CPEB3: variants seen among roughly 807,000 people sequenced by gnomAD.
CPEB3 encodes cytoplasmic polyadenylation element binding protein 3.
In CPEB3, 20 loss-of-function variants were observed where a neutral mutation model predicts 67.2. The observed-to-expected ratio is 0.30, with a 90% CI of 0.21 to 0.43. The LOEUF is 0.43. CPEB3 is among the 20% of genes least tolerant of loss of function. The probability of loss-of-function intolerance (pLI) is 1.00; values close to 1 mark genes in which losing one functional copy is unlikely to be tolerated. For missense variants in CPEB3, 746 were observed against 968.6 expected, an observed-to-expected ratio of 0.77 and a Z score of 3.05; for synonymous variants, 376 against 393.1, an observed-to-expected ratio of 0.96 and a Z score of 0.51.
chr10:92,168,609 T>C (rs1847855756), intron 4 of CPEB3, among the ~76,000 whole-genome samples: 1 of 152,092 alleles, frequency 6.6e-6, no homozygotes, highest in South Asian at 2.1e-4. Context: ...GTTCTCGTGA[T>C]AGTGAAGTGA....
intron 1 of CPEB3, among the ~76,000 whole-genome samples, chr10:92,279,291 G>A (rs1238775503): frequency 6.6e-6 from 1 of 152,102 alleles, no homozygotes; most frequent in Non-Finnish European, 1.5e-5. Flanking sequence ...GAACACCCTG[G>A]CTTTTGCTTC....
intron 6 of CPEB3, among the ~76,000 whole-genome samples, chr10:92,122,473 A>G (rs1845434905): frequency 6.6e-6 from 1 of 152,086 alleles, no homozygotes; most frequent in Admixed American, 6.6e-5. Flanking sequence ...TCTCTTATTC[A>G]TTTTCCTCTT....
At chr10:92,069,151 C>T (rs1173888279) in intron 9 of CPEB3, among the ~76,000 whole-genome samples, 9 of 152,114 alleles carry the variant, frequency 5.9e-5, no homozygotes, top group African/African-American at 2.2e-4. Context: ...ACAGTATTAT[C>T]AGCATTTCTG....
chr10:92,227,979 C>T (rs1039557241), intron 2 of CPEB3, among the ~76,000 whole-genome samples: 85 of 152,104 alleles, frequency 5.6e-4, no homozygotes, highest in Non-Finnish European at 5.1e-4. Flanking sequence ...CCTCCACCTC[C>T]CGGATTCAAG....
intron 4 of CPEB3, among the ~76,000 whole-genome samples, chr10:92,160,236 C>A (rs557281306): frequency 3.9e-5 from 6 of 152,176 alleles, no homozygotes; most frequent in African/African-American, 9.6e-5. Context: ...TGAGCCACCG[C>A]GCCCAGCTGA....
intron 6 of CPEB3, among the ~76,000 whole-genome samples, chr10:92,140,048 G>A (rs1434981003): frequency 1.4e-5 from 2 of 147,188 alleles, no homozygotes; most frequent in Admixed American, 6.9e-5. Context: ...CTCCAGCCTG[G>A]GCAACAGAGT....
At chr10:92,096,378 G>A (rs1372510278) in intron 7 of CPEB3, among the ~76,000 whole-genome samples, 1 of 151,908 alleles carries the variant, frequency 6.6e-6, no homozygotes, top group Non-Finnish European at 1.5e-5. Flanking sequence ...ATCTGAGGGG[G>A]GTCCTAGAAC....
chr10:92,271,570 T>C (rs1336877196), intron 1 of CPEB3, among the ~76,000 whole-genome samples: 1 of 152,216 alleles, frequency 6.6e-6, no homozygotes, highest in Non-Finnish European at 1.5e-5. Flanking sequence ...TGTTTCCTCA[T>C]GATCGAACTT....
chr10:92,188,682 T>C (rs1353895067), intron 3 of CPEB3, among the ~76,000 whole-genome samples: 1 of 152,052 alleles, frequency 6.6e-6, no homozygotes, highest in African/African-American at 2.4e-5. Flanking sequence ...ATCCCGCCAC[T>C]GCACTCCAGC....
rs1851761805 is a variant in CPEB3, at chr10:92,240,075, CGGCGGCGGCTGCTGAGGA to C, written c.258_275del (p.Gln89_Gln94del). The C allele has an allele frequency of 6.3e-7, 1 of 1,586,698 alleles. No homozygotes were observed. The highest frequency in any genetic ancestry group is 1.8e-5 in the Admixed American group (1 of 55,284). Reference sequence around the variant, plus strand: ...CGCCCGGTGCCGCGGGCTCCTGAGGCGGCGGCGGCTGCTGAGGAGGCTGATGGAAACTCAAGCCTGGCA... The same window carrying C: ...CGCCCGGTGCCGCGGGCTCCTGAGGCGGCTGATGGAAACTCAAGCCTGGCA... On this transcript the variant is annotated inframe_deletion, in exon 2 of 10. Transcript: ENST00000265997.
At chr10:92,099,891 G>A (rs993790237) in intron 7 of CPEB3, among the ~76,000 whole-genome samples, 2 of 151,588 alleles carry the variant, frequency 1.3e-5, no homozygotes, top group African/African-American at 2.4e-5. Flanking sequence ...GCCAGGCATG[G>A]TGGCTCATGC....
chr10:92,273,115 G>A (rs1853375262), intron 1 of CPEB3, among the ~76,000 whole-genome samples: 1 of 152,142 alleles, frequency 6.6e-6, no homozygotes, highest in Non-Finnish European at 1.5e-5. Flanking sequence ...TAAGAGAGAA[G>A]GATGACTCCA....
intron 7 of CPEB3, among the ~76,000 whole-genome samples, chr10:92,107,247 T>C (rs572310162): frequency 3.3e-5 from 5 of 152,368 alleles, no homozygotes; most frequent in African/African-American, 9.6e-5. Flanking sequence ...ACGTAAAGAA[T>C]GGATCCCCAC....
intron 1 of CPEB3, among the ~76,000 whole-genome samples, chr10:92,279,286 C>A (rs1019114943): frequency 6.6e-6 from 1 of 152,178 alleles, no homozygotes; most frequent in African/African-American, 2.4e-5. Flanking sequence ...TCAGTGAACA[C>A]CCTGGCTTTT....
At chr10:92,179,547 G>A (rs1466523667) in intron 4 of CPEB3, among the ~76,000 whole-genome samples, 2 of 152,208 alleles carry the variant, frequency 1.3e-5, no homozygotes, top group Non-Finnish European at 2.9e-5. Context: ...AGCAAGTTAA[G>A]CATGTTTATT....
At chr10:92,265,262 A>G (rs557458810) in intron 1 of CPEB3, among the ~76,000 whole-genome samples, 1 of 152,110 alleles carries the variant, frequency 6.6e-6, no homozygotes, top group Non-Finnish European at 1.5e-5. Context: ...TCTCCCCAAG[A>G]CCTAATCACC....
chr10:92,070,009 T>C (rs1402303532), intron 9 of CPEB3, among the ~76,000 whole-genome samples: 2 of 152,012 alleles, frequency 1.3e-5, no homozygotes, highest in African/African-American at 4.8e-5. Context: ...AGATATAAAA[T>C]ACATGGTAGA....
intron 2 of CPEB3, among the ~76,000 whole-genome samples, chr10:92,217,764 A>G (rs1432758726): frequency 1.3e-5 from 2 of 152,228 alleles, no homozygotes; most frequent in African/African-American, 4.8e-5. Context: ...CTGCGCCTCA[A>G]AAAAATAATA....
chr10:92,219,898 C>A (rs754822897), intron 2 of CPEB3, among the ~76,000 whole-genome samples: 4 of 152,190 alleles, frequency 2.6e-5, no homozygotes, highest in African/African-American at 4.8e-5. Flanking sequence ...TGGCTCACGC[C>A]TGTAATCCCA....
Sources: allele counts gnomAD v4.1 joint callset (sites outside exome capture counted in the v4.1 genomes callset), GRCh38; gene constraint gnomAD v4.1.1; transcripts MANE v1.5; gene names NCBI Gene and HGNC (gene_info 2026-07-23, HGNC 2026-07-21).